NKAIN3: variants seen among roughly 807,000 people sequenced by gnomAD.
NKAIN3 encodes the protein sodium/potassium-transporting ATPase subunit beta-1-interacting protein 3.
A neutral mutation model predicts 30.2 loss-of-function variants in NKAIN3; 25 were observed. The ratio of observed to expected loss-of-function variants is 0.83; its 90% CI spans 0.60 to 1.16. The LOEUF (loss-of-function observed/expected upper bound fraction) is 1.16, where lower values mean the gene tolerates loss of function less well. Ranked by LOEUF, NKAIN3 falls within the 50% of genes most tolerant of loss-of-function variation. NKAIN3 has a pLI of 0.00. For synonymous variants in NKAIN3, 91 were observed against 89.6 expected, an observed-to-expected ratio of 1.02 and a Z score of -0.09; for missense variants, 225 against 254.1, an observed-to-expected ratio of 0.89 and a Z score of 0.78.
chr8:62,295,615 T>G (rs967962820), intron 1 of NKAIN3, among the ~76,000 whole-genome samples: 1 of 152,162 alleles, frequency 6.6e-6, no homozygotes, highest in African/African-American at 2.4e-5. Context: ...ACAGCTTTTT[T>G]GGGGGAATTC....
chr8:62,888,725 T>A (rs1563613593), intron 4 of NKAIN3, among the ~76,000 whole-genome samples: 1 of 152,344 alleles, frequency 6.6e-6, no homozygotes, highest in Non-Finnish European at 1.5e-5. Context: ...TAAAAGTGAA[T>A]ATGTTTTGTG....
rs181345592 is a variant in NKAIN3, at chr8:62,768,136, T to C, written c.471+21007T>C. On this transcript the variant is annotated intron_variant, in intron 4 of 6. Coordinates refer to ENST00000623646, the MANE Select transcript of NKAIN3 (RefSeq NM_001304533.3). Reference sequence around the variant, plus strand: ...AGGCGCATCCATCATTGGACTGTTCTAAGTGTAAAAACGATTTTGTGCCTC... The same window carrying C: ...AGGCGCATCCATCATTGGACTGTTCCAAGTGTAAAAACGATTTTGTGCCTC... Among the ~76,000 whole-genome samples, 10 of 152,282 alleles carry C rather than the reference T, an allele frequency of 6.6e-5. No individual in the cohort carries two copies. In the East Asian group the frequency reaches 1.5e-3, roughly 24 times the overall value.
intron 1 of NKAIN3, chr8:62,344,722 A>G (rs189407127): frequency 2.3e-5 from 6 of 259,460 alleles, no homozygotes; most frequent in African/African-American, 1.1e-4. Context: ...GCCTATGGAT[A>G]TTGACTGCTG....
At chr8:62,818,673 A>G (rs1818762011) in intron 4 of NKAIN3, among the ~76,000 whole-genome samples, 1 of 152,100 alleles carries the variant, frequency 6.6e-6, no homozygotes, top group Non-Finnish European at 1.5e-5. Flanking sequence ...AGGTTCTTCT[A>G]ATCTATTGGA....
At chr8:62,651,425 A>G (rs935391539) in intron 3 of NKAIN3, among the ~76,000 whole-genome samples, 17 of 152,208 alleles carry the variant, frequency 1.1e-4, no homozygotes, top group African/African-American at 3.9e-4. Flanking sequence ...AATCTTATTG[A>G]CAGATCATTG....
intron 5 of NKAIN3, among the ~76,000 whole-genome samples, chr8:62,930,503 C>T (rs1822585812): frequency 6.6e-6 from 1 of 152,116 alleles, no homozygotes; most frequent in Admixed American, 6.5e-5. Context: ...ATCCACCCGC[C>T]TCGGCCTCCC....
chr8:62,697,715 G>T (rs1280076676), intron 3 of NKAIN3, among the ~76,000 whole-genome samples: 1 of 152,096 alleles, frequency 6.6e-6, no homozygotes, highest in African/African-American at 2.4e-5. Flanking sequence ...CACATATTAG[G>T]TTCTTCATAT....
chr8:62,290,987 A>T (rs1367219781), intron 1 of NKAIN3, among the ~76,000 whole-genome samples: 1 of 152,106 alleles, frequency 6.6e-6, no homozygotes, highest in Non-Finnish European at 1.5e-5. Context: ...GTGCCCAGGA[A>T]TTTATCAACT....
At position 62,408,150 on chromosome 8, in the gene NKAIN3, C is replaced by A. The variant is rs547091999; in HGVS notation, c.54+159023C>A. On this transcript the variant is annotated intron_variant, in intron 1 of 6. Coordinates refer to ENST00000623646, the MANE Select transcript of NKAIN3 (RefSeq NM_001304533.3). ...TTTAGATATTATTTTTTCCCATTTT[C>A]CTTTTATGTAATAAACTTTGAACAC... is the stretch of plus-strand genomic sequence containing the variant. 4.6e-5 allele frequency among the ~76,000 whole-genome samples: 7 copies of A among 152,280 alleles called. No homozygotes were observed. In the South Asian group the frequency reaches 1.5e-3, roughly 32 times the overall value.
intron 3 of NKAIN3, among the ~76,000 whole-genome samples, chr8:62,664,713 C>T (rs571738033): frequency 3.9e-5 from 6 of 152,154 alleles, no homozygotes; most frequent in African/African-American, 7.2e-5. Flanking sequence ...ATTGTAATGC[C>T]GGAAGGATTC....
intron 5 of NKAIN3, among the ~76,000 whole-genome samples, chr8:62,952,956 G>A (rs1316258810): frequency 6.6e-6 from 1 of 152,122 alleles, no homozygotes; most frequent in African/African-American, 2.4e-5. Context: ...CAATTTTGTA[G>A]TGTCTATATT....
At chr8:62,305,793 A>T (rs1193375228) in intron 1 of NKAIN3, among the ~76,000 whole-genome samples, 1 of 150,362 alleles carries the variant, frequency 6.7e-6, no homozygotes, top group Non-Finnish European at 1.5e-5. Context: ...GTCATTGGGT[A>T]TGTGTCGTTA....
intron 4 of NKAIN3, among the ~76,000 whole-genome samples, chr8:62,838,062 A>G (rs367567910): frequency 1.3e-5 from 2 of 152,016 alleles, no homozygotes; most frequent in East Asian, 3.9e-4. Flanking sequence ...GGAAGTACTT[A>G]AGTCCTAGGA....
intron 4 of NKAIN3, among the ~76,000 whole-genome samples, chr8:62,827,102 A>G (rs1204698673): frequency 2.0e-5 from 3 of 152,206 alleles, no homozygotes; most frequent in Non-Finnish European, 4.4e-5. Context: ...CCCAAACCAA[A>G]AGGCTGGTAT....
intron 4 of NKAIN3, among the ~76,000 whole-genome samples, chr8:62,853,889 G>A (rs75538853): frequency 6.6e-6 from 1 of 152,228 alleles, no homozygotes; most frequent in African/African-American, 2.4e-5. Context: ...ACACATGCTG[G>A]TACATTGTAT....
intron 3 of NKAIN3, among the ~76,000 whole-genome samples, chr8:62,669,145 G>T (rs1813220991): frequency 6.6e-6 from 1 of 152,154 alleles, no homozygotes; most frequent in Non-Finnish European, 1.5e-5. Flanking sequence ...GGAGTCCCCA[G>T]CCAATGACTG....
At chr8:62,442,420 C>G (rs1805355780) in intron 1 of NKAIN3, among the ~76,000 whole-genome samples, 1 of 151,774 alleles carries the variant, frequency 6.6e-6, no homozygotes, top group South Asian at 2.1e-4. Context: ...GCATTAATAC[C>G]TGGAGATATT....
intron 1 of NKAIN3, among the ~76,000 whole-genome samples, chr8:62,322,170 A>G (rs1226716880): frequency 7.9e-5 from 12 of 152,168 alleles, no homozygotes; most frequent in African/African-American, 2.9e-4. Flanking sequence ...TGCTAAGACC[A>G]TTGGAAAAGT....
chr8:62,501,262 G>A (rs1280656113), intron 1 of NKAIN3, among the ~76,000 whole-genome samples: 1 of 152,088 alleles, frequency 6.6e-6, no homozygotes, highest in Non-Finnish European at 1.5e-5. Context: ...TCCATGAGTA[G>A]CTACTGGGGG....
Sources: gnomAD v4.1 joint callset for allele counts (sites outside exome capture counted in the v4.1 genomes callset) on GRCh38, gnomAD v4.1.1 for gene constraint, MANE v1.5 for transcripts, NCBI Gene and HGNC (gene_info 2026-07-23, HGNC 2026-07-21) for gene names.